SHE: variants seen among roughly 807,000 people sequenced by gnomAD.
SHE encodes the protein SH2 domain-containing adapter protein E.
In SHE, 11 loss-of-function variants were observed where a neutral mutation model predicts 49.8. That is an observed-to-expected ratio of 0.22 (90% CI 0.14 to 0.37). The LOEUF (loss-of-function observed/expected upper bound fraction) is 0.37, where lower values mean the gene tolerates loss of function less well. SHE is among the 10% of genes least tolerant of loss of function. The pLI is 1.00. For synonymous variants in SHE, 310 were observed against 278.1 expected (o/e 1.11, Z -1.14); for missense variants, 624 against 655.5 (o/e 0.95, Z 0.52).
intron 3 of SHE, 89 bp downstream of exon 3, chr1:154,488,962 T>C (rs1557798796): frequency 1.4e-6 from 2 of 1,438,494 alleles, no homozygotes; most frequent in African/African-American, 1.4e-5. Flanking sequence ...AATATAAAGG[T>C]ACCCACAAGG....
At position 154,483,145 on chromosome 1, in the gene SHE, T is replaced by C; in HGVS notation, c.*1004A>G. ...TTCTAATAATGATGCCAATGCCTAA[T>C]GATATTGGTGATTCTTAAACCTGGG... is the stretch of plus-strand genomic sequence containing the variant. On this transcript the variant is annotated 3_prime_UTR_variant, in exon 6 of 6. Coordinates refer to ENST00000304760, the MANE Select transcript of SHE (RefSeq NM_001010846.3). The C allele has an allele frequency of 2.0e-6, 2 of 984,272 alleles. No individual in the cohort carries two copies. Among genetic ancestry groups the C allele is most frequent in the Non-Finnish European group, 2.4e-6 (2 of 828,850 alleles). 61.0% of individuals were successfully genotyped at this position (984,272 alleles called of 1,614,324 possible).
At position 154,496,734 on chromosome 1, in the gene SHE, C is replaced by G. The variant is rs142207339; in HGVS notation, c.718+2378G>C. ...CATTGTAGTCCCCTAGCTTATAGAGCTCTTGTGGGAATTACATGAAAAAAA... is the reference window on the plus strand; with the variant it reads ...CATTGTAGTCCCCTAGCTTATAGAGGTCTTGTGGGAATTACATGAAAAAAA... On this transcript the variant is annotated intron_variant, in intron 2 of 5. Transcript: ENST00000304760. Among the ~76,000 whole-genome samples, 529 of 149,998 alleles carry G rather than the reference C, an allele frequency of 3.5e-3. 6 individuals carry two copies. The highest frequency in any genetic ancestry group is 0.012 in the African/African-American group (501 of 41,176).
intron 2 of SHE, among the ~76,000 whole-genome samples, chr1:154,493,836 TAC>T (rs1479598937): frequency 1.3e-5 from 2 of 152,202 alleles, no homozygotes; most frequent in African/African-American, 4.8e-5. Flanking sequence ...TGACTAGGTA[TAC>T]ACCTGCTAGG....
In SHE at chr1:154,489,205, G is replaced by A. The variant is rs200740461; in HGVS notation, c.870C>T (p.Tyr290=). 15 of 1,614,196 alleles carry A rather than the reference G, an allele frequency of 9.3e-6. No individual in the cohort carries two copies. The highest frequency in any genetic ancestry group is 6.7e-5 in the African/African-American group (5 of 75,050). ...KDLLGKPPQL[Y]DTPYEPAEGG... Reference sequence around the variant, plus strand: ...CTTCTGCAGGCTCGTAGGGAGTGTCGTATAGCTGTGGCGGCTTCCCCAGGA... The same window carrying A: ...CTTCTGCAGGCTCGTAGGGAGTGTCATATAGCTGTGGCGGCTTCCCCAGGA... Residue 290 remains tyrosine (Y), a synonymous_variant, in exon 3 of 6, where the codon TAC becomes TAT. Transcript: ENST00000304760.
intron 2 of SHE, among the ~76,000 whole-genome samples, chr1:154,492,013 C>T (rs1049576251): frequency 1.3e-5 from 2 of 152,122 alleles, no homozygotes; most frequent in Non-Finnish European, 2.9e-5. Context: ...AACTTCAAAA[C>T]AGGTGTGGGG....
At position 154,501,526 on chromosome 1, in the gene SHE, G is replaced by GGAGCTA. The variant is rs1382646718; in HGVS notation, c.495_500dup (p.Ser173_Ser174dup). ...ACGCGGAGGAAGAGGAGCTGGAGCT[G>GGAGCTA]GAGCTACTGCTGCTGGGGTAGTTGC... On this transcript the variant is annotated inframe_insertion, in exon 1 of 6. Coordinates refer to ENST00000304760, the MANE Select transcript of SHE (RefSeq NM_001010846.3). The GGAGCTA allele has an allele frequency of 3.1e-6, 5 of 1,614,200 alleles. No individual in the cohort carries two copies. Among genetic ancestry groups the GGAGCTA allele is most frequent in the Non-Finnish European group, 4.2e-6 (5 of 1,180,006 alleles).
At chr1:154,470,292 T>C (rs780223162) in exon 2 of SHE, 36 of 1,288,250 alleles carry the variant, frequency 2.8e-5, no homozygotes, top group Non-Finnish European at 3.3e-5. Context: ...CCTTTCTTCA[T>C]GGCATTGCTG....
chr1:154,481,475 A>C lies in SHE; in HGVS notation c.*2674T>G. The C allele has an allele frequency of 1.0e-6, 1 of 985,478 alleles. No individual in the cohort carries two copies. Among genetic ancestry groups the C allele is most frequent in the Non-Finnish European group, 1.2e-6 (1 of 829,946 alleles). 61.0% of individuals were successfully genotyped at this position (985,478 alleles called of 1,614,324 possible). ...AGCATAATACTGGGCATATGACAGAAGCTCAATAAATACTTAATGTATCTG... is the reference window on the plus strand; with the variant it reads ...AGCATAATACTGGGCATATGACAGACGCTCAATAAATACTTAATGTATCTG... On this transcript the variant is annotated 3_prime_UTR_variant, in exon 6 of 6. Coordinates refer to ENST00000304760, the MANE Select transcript of SHE (RefSeq NM_001010846.3).
chr1:154,477,754 T>G (rs1307248190), downstream of SHE, among the ~76,000 whole-genome samples: 2 of 151,766 alleles, frequency 1.3e-5, no homozygotes, highest in East Asian at 3.9e-4. Context: ...AGCTGGGTGT[T>G]GTGGCGCATG....
At chr1:154,495,254 G>C (rs372708582) in intron 2 of SHE, among the ~76,000 whole-genome samples, 4 of 152,300 alleles carry the variant, frequency 2.6e-5, no homozygotes, top group African/African-American at 9.6e-5. Context: ...AACTCCTAAT[G>C]CTAGATTATG....
At chr1:154,479,067 T>C (rs893119779), downstream of SHE, among the ~76,000 whole-genome samples, 8 of 152,200 alleles carry the variant, frequency 5.3e-5, no homozygotes, top group Non-Finnish European at 1.2e-4. Flanking sequence ...GTACAATTTT[T>C]TTTTAAAATA....
At chr1:154,472,979 T>C (rs558602795) in intron 1 of SHE, among the ~76,000 whole-genome samples, 3 of 151,604 alleles carry the variant, frequency 2.0e-5, no homozygotes, top group South Asian at 2.1e-4. Flanking sequence ...CTGGACAACA[T>C]AGTGAGACCC....
intron 3 of SHE, among the ~76,000 whole-genome samples, chr1:154,487,106 T>C (rs758960093): frequency 3.1e-4 from 47 of 152,104 alleles, no homozygotes; most frequent in Admixed American, 2.0e-3. Flanking sequence ...ACCCCATCTC[T>C]ACTAAAAATA....
intron 1 of SHE, among the ~76,000 whole-genome samples, chr1:154,473,331 CGA>C (rs1283115812): frequency 2.0e-5 from 3 of 151,776 alleles, no homozygotes; most frequent in Admixed American, 6.6e-5. Flanking sequence ...ACCAATTAAC[CGA>C]GCATGGTGGT....
chr1:154,495,900 C>G (rs1411916763), intron 2 of SHE, among the ~76,000 whole-genome samples: 1 of 152,170 alleles, frequency 6.6e-6, no homozygotes, highest in African/African-American at 2.4e-5. Flanking sequence ...CTCCACAGTT[C>G]AACTGTGTTC....
intron 3 of SHE, among the ~76,000 whole-genome samples, chr1:154,487,315 A>G (rs1692209502): frequency 6.6e-6 from 1 of 151,684 alleles, no homozygotes; most frequent in South Asian, 2.1e-4. Flanking sequence ...TGCTATTTTT[A>G]GGATAAAAGA....
chr1:154,488,143 A>G (rs542076969), intron 3 of SHE, among the ~76,000 whole-genome samples: 4 of 151,968 alleles, frequency 2.6e-5, no homozygotes, highest in African/African-American at 9.6e-5. Flanking sequence ...GCGTTTCACC[A>G]TGTTGGCCAG....
At position 154,480,795 on chromosome 1, in the gene SHE, T is replaced by A; in HGVS notation, c.*3354A>T. 1.0e-6 allele frequency: 1 copy of A among 985,418 alleles called. No individual in the cohort carries two copies. Among genetic ancestry groups the A allele is most frequent in the Non-Finnish European group, 1.2e-6 (1 of 829,934 alleles). 61.0% of individuals were successfully genotyped at this position (985,418 alleles called of 1,614,324 possible). A position where few individuals can be genotyped will look rare whatever the true frequency, so the allele number is the denominator to read the frequency against. On this transcript the variant is annotated 3_prime_UTR_variant, in exon 6 of 6. Coordinates refer to ENST00000304760, the MANE Select transcript of SHE (RefSeq NM_001010846.3). Reference sequence around the variant, plus strand: ...GCTTAAATACACACAAGGCCAGTGGTTTGCAGGCCATCCTGAGATACAACT... The same window carrying A: ...GCTTAAATACACACAAGGCCAGTGGATTGCAGGCCATCCTGAGATACAACT...
At chr1:154,499,399 C>A (rs979489182) in intron 1 of SHE, among the ~76,000 whole-genome samples, 161 bp from the exon 2 acceptor site, 1 of 151,914 alleles carries the variant, frequency 6.6e-6, no homozygotes, top group Non-Finnish European at 1.5e-5. Context: ...CCCAGTTAGA[C>A]AAACACCTGT....
Sources: allele counts gnomAD v4.1 joint callset (sites outside exome capture counted in the v4.1 genomes callset), GRCh38; gene constraint gnomAD v4.1.1; transcripts MANE v1.5; gene names NCBI Gene and HGNC (gene_info 2026-07-23, HGNC 2026-07-21).